Variants in ZSWIM5 observed in about 807,000 individuals in gnomAD.
The protein encoded by ZSWIM5 is zinc finger SWIM-type containing 5, also known as zinc finger SWIM domain-containing protein 5.
In ZSWIM5, 55 loss-of-function variants were observed where a neutral mutation model predicts 119.6. That is an observed-to-expected ratio of 0.46 (90% confidence interval 0.37 to 0.58). The LOEUF is 0.58. Ranked by LOEUF, ZSWIM5 falls within the 20% of genes least tolerant of loss-of-function variation. The pLI, the probability that ZSWIM5 is intolerant of heterozygous loss-of-function variation, is 0.00. For synonymous variants in ZSWIM5, 537 were observed against 606.9 expected (o/e 0.88, Z 1.69); for missense variants, 1,193 against 1,512.8 (o/e 0.79, Z 3.51).
At chr1:45,105,719 G>A (rs542756250) in intron 1 of ZSWIM5, among the ~76,000 whole-genome samples, 4 of 140,640 alleles carry the variant, frequency 2.8e-5, no homozygotes, top group East Asian at 2.2e-4. Context: ...TGCCCCCGTC[G>A]GGGAAGTGAG....
chr1:45,149,005 T>C (rs1168637178), intron 1 of ZSWIM5, among the ~76,000 whole-genome samples: 1 of 152,224 alleles, frequency 6.6e-6, no homozygotes, highest in African/African-American at 2.4e-5. Flanking sequence ...TGGTGGCCCA[T>C]GCCTTGTAAG....
intron 1 of ZSWIM5, among the ~76,000 whole-genome samples, chr1:45,201,541 C>T (rs2149057707): frequency 6.6e-6 from 1 of 152,084 alleles, no homozygotes; most frequent in Non-Finnish European, 1.5e-5. Flanking sequence ...TTTTTAATTG[C>T]TATTATTGAA....
intron 1 of ZSWIM5, among the ~76,000 whole-genome samples, chr1:45,098,126 T>G (rs527572779): frequency 1.9e-4 from 29 of 152,112 alleles, no homozygotes; most frequent in African/African-American, 6.7e-4. Context: ...GAGACACATA[T>G]GCAGAAGTGC....
chr1:45,058,724 T>C lies in ZSWIM5; in HGVS notation c.1137A>G (p.Gly379=), dbSNP rs1177962299. Residue 379 remains glycine (G), a synonymous_variant, in exon 4 of 14, where the codon GGA becomes GGG. Coordinates refer to ENST00000359600, the MANE Select transcript of ZSWIM5 (RefSeq NM_020883.2). ...REMLRMRDSN[G]ARMLTLITEQ... is the part of the protein sequence containing the mutation. ...CAGTTATTAGTGTCAGCATCCTTGC[T>C]CCATTGGAATCTCTCATCCGCAGCA... 5.6e-6 allele frequency: 9 copies of C among 1,614,184 alleles called. No homozygotes were observed. The highest frequency in any genetic ancestry group is 7.6e-6 in the Non-Finnish European group (9 of 1,180,042).
intron 1 of ZSWIM5, among the ~76,000 whole-genome samples, chr1:45,162,015 A>G (rs1249652033): frequency 6.6e-6 from 1 of 152,168 alleles, no homozygotes; most frequent in East Asian, 1.9e-4. Flanking sequence ...TTTCTATTAC[A>G]ACAGCCATCC....
chr1:45,090,200 C>G (rs994898150), intron 1 of ZSWIM5, among the ~76,000 whole-genome samples: 1 of 152,172 alleles, frequency 6.6e-6, no homozygotes, highest in Non-Finnish European at 1.5e-5. Flanking sequence ...CATAAAGCCA[C>G]ATTTAGGTCT....
At chr1:45,203,495 T>C (rs1003865094) in intron 1 of ZSWIM5, among the ~76,000 whole-genome samples, 9 of 152,080 alleles carry the variant, frequency 5.9e-5, no homozygotes, top group Admixed American at 2.0e-4. Context: ...TCTGAGGTTC[T>C]ATCGTTTAGA....
chr1:45,072,881 G>T lies in ZSWIM5; in HGVS notation c.953-12634C>A, dbSNP rs1348131402. 2.0e-5 allele frequency among the ~76,000 whole-genome samples: 3 copies of T among 151,954 alleles called. No individual in the cohort carries two copies. Among genetic ancestry groups the T allele is most frequent in the African/African-American group, 7.3e-5 (3 of 41,252 alleles). ...CTCCAGTTTTGTTCTTTTTGCTTAG[G>T]ATAGCTTTGGTTATTCCAGGTCTTT... is the stretch of plus-strand genomic sequence containing the variant. On this transcript the variant is annotated intron_variant, in intron 2 of 13. Coordinates refer to ENST00000359600, the MANE Select transcript of ZSWIM5 (RefSeq NM_020883.2). The surrounding 1 kb of genome is among the most constrained non-coding windows in gnomAD (Gnocchi z 4.1).
chr1:45,161,695 A>G (rs1401269810), intron 1 of ZSWIM5, among the ~76,000 whole-genome samples: 2 of 152,202 alleles, frequency 1.3e-5, no homozygotes, highest in African/African-American at 4.8e-5. Context: ...TGCAAAGGCT[A>G]ACTACAACTT....
chr1:45,138,100 C>A (rs2149033087), intron 1 of ZSWIM5, among the ~76,000 whole-genome samples: 1 of 152,198 alleles, frequency 6.6e-6, no homozygotes, highest in Admixed American at 6.5e-5. Flanking sequence ...AAAACATGCA[C>A]AAGTGACCCC....
At chr1:45,091,253 G>A (rs1645362479) in intron 1 of ZSWIM5, among the ~76,000 whole-genome samples, 1 of 152,144 alleles carries the variant, frequency 6.6e-6, no homozygotes, top group East Asian at 1.9e-4. Context: ...CCATTCAGAA[G>A]TATGTAGTAC....
chr1:45,069,531 CCCCT>C (rs1645208916), intron 2 of ZSWIM5, among the ~76,000 whole-genome samples: 1 of 152,154 alleles, frequency 6.6e-6, no homozygotes, highest in African/African-American at 2.4e-5. Flanking sequence ...CCCCTATTAA[CCCCT>C]ATTAGTTAAA....
chr1:45,141,574 T>C (rs1645727832), intron 1 of ZSWIM5, among the ~76,000 whole-genome samples: 1 of 152,154 alleles, frequency 6.6e-6, no homozygotes, highest in African/African-American at 2.4e-5. Flanking sequence ...ATAGACTGCC[T>C]ACTAAAACAA....
chr1:45,048,075 C>CTTTT (rs142365516), intron 5 of ZSWIM5, among the ~76,000 whole-genome samples: 3 of 17,344 alleles, frequency 1.7e-4, no homozygotes, highest in African/African-American at 2.8e-4. Flanking sequence ...CTTTCCTTTT[C>CTTTT]TTTTCTCTTT....
intron 1 of ZSWIM5, among the ~76,000 whole-genome samples, chr1:45,203,234 T>G (rs1028155277): frequency 1.3e-5 from 2 of 152,068 alleles, no homozygotes; most frequent in African/African-American, 4.8e-5. Flanking sequence ...AATTCATGAC[T>G]TCCCATTACC....
chr1:45,186,514 A>G (rs1363707638), intron 1 of ZSWIM5, among the ~76,000 whole-genome samples: 4 of 152,116 alleles, frequency 2.6e-5, no homozygotes, highest in African/African-American at 9.7e-5. Flanking sequence ...GATAGCTTCT[A>G]GAAATTGGAA....
At chr1:45,040,345 C>T (rs1221680185) in intron 7 of ZSWIM5, 47 bp downstream of exon 7, 1 of 1,512,676 alleles carries the variant, frequency 6.6e-7, no homozygotes, top group Admixed American at 2.1e-5. Context: ...TGAGGATCCT[C>T]ATCAGCTTTG....
intron 1 of ZSWIM5, among the ~76,000 whole-genome samples, chr1:45,145,413 C>A (rs1570148138): frequency 1.4e-5 from 2 of 147,282 alleles, no homozygotes; most frequent in Admixed American, 1.3e-4. Context: ...AAATTAGAAA[C>A]AACCCAAATA....
At position 45,156,009 on chromosome 1, in the gene ZSWIM5, C is replaced by T. The variant is rs149448197; in HGVS notation, c.595+49747G>A. On this transcript the variant is annotated intron_variant, in intron 1 of 13. Transcript: ENST00000359600. ...GGAACTTACCCATGTAATCAAATAC[C>T]ATCTGTTCCCCAAAAACCTATGGAA... 1.1e-4 allele frequency among the ~76,000 whole-genome samples: 16 copies of T among 151,936 alleles called. No individual in the cohort carries two copies. The East Asian group carries it at 3.1e-3, about 29-fold the overall frequency.
Sources: allele counts gnomAD v4.1 joint callset (sites outside exome capture counted in the v4.1 genomes callset), GRCh38; gene constraint gnomAD v4.1.1; non-coding constraint Gnocchi (gnomAD v3.1); transcripts MANE v1.5; gene names NCBI Gene and HGNC (gene_info 2026-07-23, HGNC 2026-07-21).